Variants in CC2D2B observed in about 807,000 individuals in gnomAD.
The protein encoded by CC2D2B is protein CC2D2B.
In CC2D2B, 128 loss-of-function variants were observed where a neutral mutation model predicts 161.2. That is an observed-to-expected ratio of 0.79 (90% confidence interval 0.69 to 0.92). The LOEUF (loss-of-function observed/expected upper bound fraction) is 0.92. CC2D2B is among the 40% of genes least tolerant of loss of function. The probability of loss-of-function intolerance (pLI) is 0.00; values close to 1 mark genes in which losing one functional copy is unlikely to be tolerated. For missense variants in CC2D2B, 1,173 were observed against 1,375.1 expected (o/e 0.85, Z 2.32); for synonymous variants, 391 against 449.8 (o/e 0.87, Z 1.65).
chr10:95,993,861 GAGAGAGAGAGTGTATATATATATATAT>G (rs1402958818), intron 22 of CC2D2B, among the ~76,000 whole-genome samples: 3,292 of 115,300 alleles, frequency 0.029, 103 homozygotes, highest in East Asian at 0.075. Flanking sequence ...TAGAGAGAGA[GAGAGAGAGAGTGTATATATATATATAT>G]AGAGAGAGAG....
intron 20 of CC2D2B, among the ~76,000 whole-genome samples, chr10:95,988,911 T>A (rs1183822266): frequency 6.6e-6 from 1 of 152,176 alleles, no homozygotes; most frequent in African/African-American, 2.4e-5. Context: ...AGGGGCGACA[T>A]CTACAGATCC....
intron 32 of CC2D2B, 118 bp from the exon 33 acceptor site, chr10:96,024,735 G>A (rs576629283): frequency 3.7e-6 from 2 of 534,716 alleles, no homozygotes; most frequent in Admixed American, 3.1e-5. Flanking sequence ...ATGGAATTGA[G>A]TGTTTTTGCC....
intron 21 of CC2D2B, 81 bp from the exon 22 acceptor site, chr10:95,992,446 C>T: frequency 9.5e-7 from 1 of 1,049,798 alleles, no homozygotes; most frequent in Non-Finnish European, 1.2e-6. Flanking sequence ...ATAATGGTCT[C>T]ATTTCAATTA....
intron 11 of CC2D2B, among the ~76,000 whole-genome samples, chr10:95,961,259 G>T (rs2076749367): frequency 6.6e-6 from 1 of 152,128 alleles, no homozygotes. Flanking sequence ...AGGGCTCAGT[G>T]GCTTACGCTT....
rs2080115845 is a variant in CC2D2B at position 96,033,215 on chromosome 10, G to A, written c.*1207G>A. 6.6e-6 allele frequency among the ~76,000 whole-genome samples: 1 copy of A among 152,100 alleles called. No homozygotes were observed. Among genetic ancestry groups the A allele is most frequent in the African/African-American group, 2.4e-5 (1 of 41,418 alleles). ...GCAGAGACCCCAAATGTATCTGCAGGGAATACCCAATCTGTATCTGTTTCC... is the reference window on the plus strand; with the variant it reads ...GCAGAGACCCCAAATGTATCTGCAGAGAATACCCAATCTGTATCTGTTTCC... On this transcript the variant is annotated 3_prime_UTR_variant, in exon 35 of 35. Coordinates refer to ENST00000646931, the MANE Select transcript of CC2D2B (RefSeq NM_001349008.3).
Position 96,024,753 on chromosome 10 carries a change from C to G in CC2D2B, c.3889-100C>G, listed in dbSNP as rs2079619196. 9.8e-6 allele frequency: 6 copies of G among 609,656 alleles called. No individual in the cohort carries two copies. In the South Asian group the frequency reaches 1.2e-4, roughly 12 times the overall value. 37.8% of individuals were successfully genotyped at this position (609,656 alleles called of 1,614,324 possible). A position where few individuals can be genotyped will look rare whatever the true frequency, so the allele number is the denominator to read the frequency against. On this transcript the variant is annotated intron_variant, in intron 32 of 34. Coordinates refer to ENST00000646931, the MANE Select transcript of CC2D2B (RefSeq NM_001349008.3). ...GAATTGAGTGTTTTTGCCACAGAAG[C>G]CTGGTTTGTCTTCCTCCTTATTATA...
At chr10:95,993,946 GTATGTGTATATATATATATATATATATA>G (rs1364272488) in intron 22 of CC2D2B, among the ~76,000 whole-genome samples, 1,793 of 28,896 alleles carry the variant, frequency 0.062, 75 homozygotes, top group Admixed American at 0.11. Context: ...GTGTGTGTAT[GTATGTGTATATATATATATATATATATA>G]TATATATATA....
chr10:96,017,579 A>G (rs776926516), intron 30 of CC2D2B, among the ~76,000 whole-genome samples: 21 of 152,132 alleles, frequency 1.4e-4, no homozygotes, highest in Non-Finnish European at 2.1e-4. Context: ...CGAGGAGAGC[A>G]GGCTGCACAG....
At chr10:95,910,424 G>A (rs1048922213) in intron 1 of CC2D2B, among the ~76,000 whole-genome samples, 21 of 152,150 alleles carry the variant, frequency 1.4e-4, no homozygotes, top group African/African-American at 4.8e-4. Context: ...GGGAAGGGGA[G>A]CCAGCATGTC....
chr10:95,954,133 C>T (rs922749637), intron 10 of CC2D2B, among the ~76,000 whole-genome samples: 1 of 152,096 alleles, frequency 6.6e-6, no homozygotes, highest in Non-Finnish European at 1.5e-5. Context: ...TAGTGTCTGA[C>T]AGACCAAAAT....
chr10:95,937,390 A>G (rs2075861962), intron 6 of CC2D2B, among the ~76,000 whole-genome samples: 1 of 152,150 alleles, frequency 6.6e-6, no homozygotes, highest in African/African-American at 2.4e-5. Context: ...AGTATGATAC[A>G]TTCATTTTAA....
intron 22 of CC2D2B, among the ~76,000 whole-genome samples, chr10:95,993,767 T>C (rs1187392436): frequency 7.1e-6 from 1 of 141,594 alleles, no homozygotes; most frequent in Non-Finnish European, 1.5e-5. Context: ...ATAGAAAGAG[T>C]GTGTATATAT....
chr10:95,933,374 C>T (rs1368949038), intron 6 of CC2D2B, among the ~76,000 whole-genome samples: 6 of 152,038 alleles, frequency 3.9e-5, no homozygotes, highest in Admixed American at 3.3e-4. Flanking sequence ...CTTCTGAAGC[C>T]TACTTCTGTC....
intron 2 of CC2D2B, chr10:95,913,425 C>T (rs1466144771): frequency 2.4e-6 from 1 of 419,362 alleles, no homozygotes; most frequent in Non-Finnish European, 4.7e-6. Flanking sequence ...CTGCAACAAA[C>T]ATGGGAGTGC....
At position 96,033,293 on chromosome 10, in the gene CC2D2B, T is replaced by G. The variant is rs901569681; in HGVS notation, c.*1285T>G. ...AGGCCTCACTTATTTGTGGTGATGTTAGTCTTGGACCAAGCTTGAGATTAC... is the reference window on the plus strand; with the variant it reads ...AGGCCTCACTTATTTGTGGTGATGTGAGTCTTGGACCAAGCTTGAGATTAC... On this transcript the variant is annotated 3_prime_UTR_variant, in exon 35 of 35. Transcript: ENST00000646931. Among the ~76,000 whole-genome samples the G allele has an allele frequency of 6.6e-6, 1 of 152,212 alleles. No individual in the cohort carries two copies. Among genetic ancestry groups the G allele is most frequent in the Non-Finnish European group, 1.5e-5 (1 of 68,038 alleles).
At chr10:95,911,980 A>C (rs1566300809) in intron 2 of CC2D2B, among the ~76,000 whole-genome samples, 1 of 152,180 alleles carries the variant, frequency 6.6e-6, no homozygotes, top group Non-Finnish European at 1.5e-5. Flanking sequence ...TGTTGACCTT[A>C]TTCAGTAGTT....
At chr10:96,003,653 G>A (rs1055161837) in intron 24 of CC2D2B, among the ~76,000 whole-genome samples, 88 of 146,046 alleles carry the variant, frequency 6.0e-4, no homozygotes, top group Non-Finnish European at 9.6e-4. Flanking sequence ...ACAGGGTTTC[G>A]CCATGTTAGC....
intron 18 of CC2D2B, among the ~76,000 whole-genome samples, chr10:95,982,421 G>A (rs2077563142): frequency 6.6e-6 from 1 of 152,072 alleles, no homozygotes; most frequent in Non-Finnish European, 1.5e-5. Context: ...TGCCAGCCAT[G>A]GTATTAGATA....
rs370029851 is a variant in CC2D2B, at chr10:96,019,154, T to C, written c.3631-49T>C. The C allele has an allele frequency of 3.4e-6, 5 of 1,450,042 alleles. No individual in the cohort carries two copies. In the African/African-American group the frequency reaches 4.3e-5, roughly 12 times the overall value. The allele number at this position is 1,450,042 out of a possible 1,614,324, so 89.8% of individuals were successfully genotyped here. A position where few individuals can be genotyped will look rare whatever the true frequency, so the allele number is the denominator to read the frequency against. ...ATCATCACAGTATAATTTCCATATA[T>C]AGAAATTATTTAAATCCACCAAAAA... On this transcript the variant is annotated intron_variant, in intron 30 of 34. Coordinates refer to ENST00000646931, the MANE Select transcript of CC2D2B (RefSeq NM_001349008.3).
Sources: gnomAD v4.1 joint callset for allele counts (sites outside exome capture counted in the v4.1 genomes callset) on GRCh38, gnomAD v4.1.1 for gene constraint, MANE v1.5 for transcripts, NCBI Gene and HGNC (gene_info 2026-07-23, HGNC 2026-07-21) for gene names.